The following ANKRD26 variants were observed in gnomAD, a reference collection of about 807,000 sequenced individuals.
ANKRD26 encodes the protein ankyrin repeat domain-containing protein 26.
Under a neutral mutation model 208.7 loss-of-function variants are expected in ANKRD26, and 141 were observed. The ratio of observed to expected loss-of-function variants is 0.68; its 90% CI spans 0.59 to 0.78. The LOEUF (loss-of-function observed/expected upper bound fraction) is 0.78, where lower values mean the gene tolerates loss of function less well. ANKRD26 is among the 30% of genes least tolerant of loss of function. ANKRD26 has a pLI of 0.00. For missense variants in ANKRD26, 1,889 were observed against 1,938.7 expected (o/e 0.97, Z 0.48); for synonymous variants, 636 against 660.4 (o/e 0.96, Z 0.57).
At chr10:27,033,451 A>G in intron 24 of ANKRD26, 74 bp from the exon 25 acceptor site, 12 of 1,424,402 alleles carry the variant, frequency 8.4e-6, no homozygotes, top group Non-Finnish European at 1.1e-5. Context: ...AATTATGTTA[A>G]TAATATTTAA....
chr10:26,981,802 C>A (rs1441072387), intron 4 of ANKRD26, among the ~76,000 whole-genome samples: 1 of 152,102 alleles, frequency 6.6e-6, no homozygotes, highest in South Asian at 2.1e-4. Context: ...TGCTTGTGGA[C>A]CTAGCTTTCC....
At position 27,017,652 on chromosome 10, in the gene ANKRD26, CT is replaced by C. The variant is rs1410888689; in HGVS notation, c.4355del (p.Lys1452ArgfsTer7). The C allele has an allele frequency of 6.2e-7, 1 of 1,613,426 alleles. No homozygotes were observed. Among genetic ancestry groups the C allele is most frequent in the African/African-American group, 1.3e-5 (1 of 74,886 alleles). Reference sequence around the variant, plus strand: ...GGTTGATCACTTCTTGTTCCAACTTCTTTTTATTCTTCTGTAGTTTTTCACA... The same window carrying C: ...GGTTGATCACTTCTTGTTCCAACTTCTTTTATTCTTCTGTAGTTTTTCACA... ...KKCEKLQKNK[K>X]KLEQEVINLR... is the part of the protein sequence containing the mutation. On this transcript the variant is annotated frameshift_variant, in exon 30 of 34. Transcript: ENST00000376087. LOFTEE classifies it high-confidence loss of function.
chr10:26,999,820 A>C (rs2052681024), downstream of ANKRD26, among the ~76,000 whole-genome samples: 1 of 151,810 alleles, frequency 6.6e-6, no homozygotes, highest in Non-Finnish European at 1.5e-5. Context: ...AAAAAAAAAA[A>C]AAAAAAACCC....
intron 5 of ANKRD26, among the ~76,000 whole-genome samples, chr10:27,084,813 G>C (rs1167162625): frequency 6.7e-6 from 1 of 149,460 alleles, no homozygotes; most frequent in African/African-American, 2.5e-5. Context: ...ATGTTGCAGT[G>C]AGCCGAGATC....
chr10:26,969,227 T>C (rs2052110098), downstream of ANKRD26, among the ~76,000 whole-genome samples: 1 of 152,202 alleles, frequency 6.6e-6, no homozygotes, highest in African/African-American at 2.4e-5. Flanking sequence ...CCTATAGTCA[T>C]TGACACTCAT....
chr10:26,978,074 C>T (rs1422497172), intron 5 of ANKRD26, among the ~76,000 whole-genome samples: 1 of 151,440 alleles, frequency 6.6e-6, no homozygotes, highest in Non-Finnish European at 1.5e-5. Context: ...ACCATCCTTT[C>T]TCTACACTGC....
chr10:27,051,213 T>C (rs1251219060), intron 16 of ANKRD26: 8 of 1,289,736 alleles, frequency 6.2e-6, no homozygotes, highest in African/African-American at 1.5e-5. Flanking sequence ...AGACCTCACA[T>C]TTTCTAATTC....
downstream of ANKRD26, among the ~76,000 whole-genome samples, chr10:26,972,889 T>A (rs2052171885): frequency 6.6e-6 from 1 of 151,962 alleles, no homozygotes; most frequent in Non-Finnish European, 1.5e-5. Flanking sequence ...CATACCCGGC[T>A]GAGGTTAAAT....
At position 27,064,025 on chromosome 10, in the gene ANKRD26, G is replaced by T. The variant is rs201935668; in HGVS notation, c.1326C>A (p.Asp442Glu). 2 of 1,610,058 alleles carry T rather than the reference G, an allele frequency of 1.2e-6. No individual in the cohort carries two copies. Among genetic ancestry groups the T allele is most frequent in the Non-Finnish European group, 8.5e-7 (1 of 1,179,406 alleles). Residue 442 changes from aspartate to glutamate, a missense_variant, in exon 12 of 34, where the codon GAC becomes GAA. Physicochemically the swap from Asp to Glu is conservative, Grantham distance 45. This residue lies in a region of ANKRD26 where 1,272 missense variants were observed against 1,273.8 expected (regional missense o/e 1.00). Transcript: ENST00000376087. ...CATTTCCTATATTTTTTTCTTTTCC[G>T]TCTGCAGCCCCAGCTAAAGGATCAA... ...KYVDPLAGAA[D>E]GKEKNIGNEQ...
the ANKRD26 span, among the ~76,000 whole-genome samples, chr10:26,952,990 T>G: frequency 6.6e-6 from 1 of 152,208 alleles, no homozygotes; most frequent in Non-Finnish European, 1.5e-5. Flanking sequence ...CCAAGGCTGT[T>G]GTATTGATGT....
chr10:26,975,095 G>C (rs1190206308), exon 6 of ANKRD26, among the ~76,000 whole-genome samples: 2 of 152,172 alleles, frequency 1.3e-5, no homozygotes, highest in African/African-American at 4.8e-5. Flanking sequence ...TCCTCAGCTA[G>C]GGCATGGTTT....
intron 32 of ANKRD26, among the ~76,000 whole-genome samples, chr10:27,012,370 C>G (rs895874817): frequency 6.6e-6 from 1 of 150,904 alleles, no homozygotes; most frequent in Non-Finnish European, 1.5e-5. Flanking sequence ...AATGGTACCT[C>G]TTGAAAATGA....
At chr10:27,011,596 G>GTT (rs1442359567) in intron 32 of ANKRD26, among the ~76,000 whole-genome samples, 2 of 152,118 alleles carry the variant, frequency 1.3e-5, no homozygotes, top group East Asian at 3.8e-4. Context: ...CGTACTATGA[G>GTT]TGAAATCGTA....
chr10:27,035,191 G>A lies in ANKRD26; in HGVS notation c.3259C>T (p.Leu1087Phe). ...TCTAAACCCAAAGTCTTTTCTCTGA[G>A]GGCATCTCTCGTGTGATGGAACTCA... The part of the protein sequence containing the change: ...EIEFHHTRDA[L>F]REKTLGLERV... The change falls in exon 24 of 34, where the codon CTC becomes TTC. Residue 1087 changes from leucine to phenylalanine, a missense_variant. Physicochemically the swap from Leu to Phe is conservative, Grantham distance 22. Around this residue, in one of 3 missense-constraint regions of ANKRD26, gnomAD observed 1,272 missense variants for 1,273.8 expected, o/e 1.00. Coordinates refer to ENST00000376087, the MANE Select transcript of ANKRD26 (RefSeq NM_014915.3). 6.2e-7 allele frequency: 1 copy of A among 1,614,018 alleles called. No individual in the cohort carries two copies. Among genetic ancestry groups the A allele is most frequent in the Non-Finnish European group, 8.5e-7 (1 of 1,179,946 alleles).
chr10:26,972,251 AG>A (rs375318924), downstream of ANKRD26, among the ~76,000 whole-genome samples: 73 of 151,182 alleles, frequency 4.8e-4, no homozygotes, highest in East Asian at 8.7e-3. Context: ...AAAAAAAAAA[AG>A]AAAATTATAG....
chr10:27,061,284 T>C (rs1347684762), intron 12 of ANKRD26, 42 bp from the exon 13 acceptor site: 1 of 1,349,050 alleles, frequency 7.4e-7, no homozygotes, highest in Non-Finnish European at 1.0e-6. Flanking sequence ...TTGTAATATT[T>C]ATCAAAAGGA....
chr10:27,000,743 C>T (rs927888495), downstream of ANKRD26, among the ~76,000 whole-genome samples: 20 of 152,298 alleles, frequency 1.3e-4, no homozygotes, highest in East Asian at 3.7e-3. Context: ...GTGGCTCACA[C>T]CTGTAATCCC....
downstream of ANKRD26, among the ~76,000 whole-genome samples, chr10:26,972,025 G>A (rs1265869299): frequency 6.6e-6 from 1 of 152,098 alleles, no homozygotes; most frequent in Non-Finnish European, 1.5e-5. Context: ...CACAAAGTCA[G>A]GAGATCGAGA....
chr10:26,956,591 C>T, the ANKRD26 span, among the ~76,000 whole-genome samples: 2 of 151,906 alleles, frequency 1.3e-5, no homozygotes, highest in Admixed American at 6.6e-5. Flanking sequence ...ATGATTGTGC[C>T]TCTGCACTCC....
Sources: gnomAD v4.1 joint callset for allele counts (sites outside exome capture counted in the v4.1 genomes callset) on GRCh38, gnomAD v4.1.1 for gene constraint, gnomAD v4.1.1 regional missense constraint, MANE v1.5 for transcripts, NCBI Gene and HGNC (gene_info 2026-07-23, HGNC 2026-07-21) for gene names.